Variants in TMEM132D observed in about 807,000 individuals in gnomAD.
TMEM132D encodes the protein mature OL transmembrane protein.
TMEM132D carries 21 observed loss-of-function variants against 62.3 expected under a neutral mutation model. The observed-to-expected ratio is 0.34, with a 90% CI of 0.24 to 0.49. The LOEUF is 0.49. Ranked by LOEUF, TMEM132D falls within the 20% of genes least tolerant of loss-of-function variation. The pLI, the probability that TMEM132D is intolerant of heterozygous loss-of-function variation, is 0.99. For synonymous variants in TMEM132D, 621 were observed against 575.6 expected (o/e 1.08, Z -1.13); for missense variants, 1,346 against 1,402.8 (o/e 0.96, Z 0.65).
chr12:129,572,433 T>TTCTA (rs1440373986), intron 2 of TMEM132D, among the ~76,000 whole-genome samples: 1 of 151,174 alleles, frequency 6.6e-6, no homozygotes, highest in African/African-American at 2.4e-5. Context: ...GAGGGTCTGT[T>TTCTA]TCTTTCTTTC....
chr12:129,478,979 T>C (rs1219199828), intron 3 of TMEM132D, among the ~76,000 whole-genome samples: 1 of 152,260 alleles, frequency 6.6e-6, no homozygotes, highest in East Asian at 1.9e-4. Context: ...GGACTACTGC[T>C]GGAGCAGAAT....
At chr12:129,190,509 A>G (rs1404671505) in intron 5 of TMEM132D, among the ~76,000 whole-genome samples, 1 of 10,408 alleles carries the variant, frequency 9.6e-5, no homozygotes, top group African/African-American at 3.3e-4. Flanking sequence ...GAGGGGTCTC[A>G]GGCCTGCAGA....
Position 129,293,287 on chromosome 12 carries a change from C to A in TMEM132D, c.1299+44347G>T, listed in dbSNP as rs940741188. 3.3e-5 allele frequency among the ~76,000 whole-genome samples: 5 copies of A among 152,076 alleles called. No individual in the cohort carries two copies. In the East Asian group the frequency reaches 9.7e-4, roughly 29 times the overall value. On this transcript the variant is annotated intron_variant, in intron 4 of 8. Coordinates refer to ENST00000422113, the MANE Select transcript of TMEM132D (RefSeq NM_133448.3). ...TCCTGATGGCTTGGGAGCAGCAGAG[C>A]CAATGCATTAAAGCCAGACGGACAC...
chr12:129,409,689 T>C (rs1871906567), intron 3 of TMEM132D, among the ~76,000 whole-genome samples: 1 of 152,180 alleles, frequency 6.6e-6, no homozygotes, highest in African/African-American at 2.4e-5. Context: ...GCATATAGAG[T>C]GTGAAAACAA....
intron 1 of TMEM132D, among the ~76,000 whole-genome samples, chr12:129,884,398 C>G (rs916285556): frequency 1.3e-5 from 2 of 152,140 alleles, no homozygotes; most frequent in African/African-American, 4.8e-5. Flanking sequence ...AAACAATTCT[C>G]AAAACTGAAT....
At chr12:129,672,986 G>T (rs1309200168) in intron 2 of TMEM132D, among the ~76,000 whole-genome samples, 2 of 152,174 alleles carry the variant, frequency 1.3e-5, no homozygotes, top group African/African-American at 2.4e-5. Context: ...GACCTCAGGT[G>T]ATCTGCCCGC....
At chr12:129,392,599 G>A (rs1022469548) in intron 3 of TMEM132D, among the ~76,000 whole-genome samples, 3 of 152,318 alleles carry the variant, frequency 2.0e-5, no homozygotes, top group East Asian at 1.9e-4. Flanking sequence ...CCGGGCCAGT[G>A]GCGGCTGTGT....
chr12:129,662,137 T>A (rs1313310459), intron 2 of TMEM132D, among the ~76,000 whole-genome samples: 1 of 152,144 alleles, frequency 6.6e-6, no homozygotes, highest in Non-Finnish European at 1.5e-5. Context: ...AAAGCAAGTG[T>A]GAGCTTTCTT....
chr12:129,096,246 A>G (rs1486484333), intron 5 of TMEM132D, among the ~76,000 whole-genome samples: 1 of 152,164 alleles, frequency 6.6e-6, no homozygotes, highest in African/African-American at 2.4e-5. Flanking sequence ...TGGATCTGGG[A>G]TTGGAATCCA....
intron 2 of TMEM132D, among the ~76,000 whole-genome samples, chr12:129,613,794 C>A (rs2137153580): frequency 6.6e-6 from 1 of 151,500 alleles, no homozygotes; most frequent in South Asian, 2.4e-4. Context: ...TCTCCAGAAC[C>A]CAGAGGACTG....
chr12:129,430,032 A>G (rs886177280), intron 3 of TMEM132D, among the ~76,000 whole-genome samples: 16 of 152,076 alleles, frequency 1.1e-4, no homozygotes, highest in African/African-American at 3.9e-4. Flanking sequence ...GAATAGTGCC[A>G]CTATAAACAT....
At chr12:129,555,551 A>G (rs1332434226) in intron 2 of TMEM132D, among the ~76,000 whole-genome samples, 2 of 152,250 alleles carry the variant, frequency 1.3e-5, no homozygotes, top group Non-Finnish European at 2.9e-5. Flanking sequence ...CATCAGAAGA[A>G]GAAAAATGTT....
chr12:129,630,876 G>C (rs2137166890), intron 2 of TMEM132D, among the ~76,000 whole-genome samples: 1 of 151,964 alleles, frequency 6.6e-6, no homozygotes, highest in South Asian at 2.1e-4. Flanking sequence ...CCTCAAGCAG[G>C]CCCCAGTGTC....
chr12:129,191,884 T>A (rs931379567), intron 5 of TMEM132D, among the ~76,000 whole-genome samples: 2 of 152,200 alleles, frequency 1.3e-5, no homozygotes, highest in Non-Finnish European at 2.9e-5. Context: ...CTCTGATCAG[T>A]GGCTTGCATG....
At chr12:129,555,813 C>G (rs1398858296) in intron 2 of TMEM132D, among the ~76,000 whole-genome samples, 3 of 152,180 alleles carry the variant, frequency 2.0e-5, no homozygotes, top group Non-Finnish European at 2.9e-5. Flanking sequence ...TTTGCCACTA[C>G]TTTTCTTGGA....
Position 129,893,954 on chromosome 12 carries a change from C to T in TMEM132D, c.79+9307G>A, listed in dbSNP as rs533748127. 6.6e-5 allele frequency among the ~76,000 whole-genome samples: 10 copies of T among 152,270 alleles called. No homozygotes were observed. The East Asian group carries it at 7.8e-4, about 12-fold the overall frequency. On this transcript the variant is annotated intron_variant, in intron 1 of 8. Coordinates refer to ENST00000422113, the MANE Select transcript of TMEM132D (RefSeq NM_133448.3). ...TTTTCACGCCCTACAGAGCTTATCC[C>T]GAGGCTTGTCCACAGAAATGGGAAA...
At chr12:129,473,463 GAGACTAC>G (rs1321212589) in intron 3 of TMEM132D, among the ~76,000 whole-genome samples, 1 of 149,762 alleles carries the variant, frequency 6.7e-6, no homozygotes, top group Admixed American at 6.8e-5. Context: ...CTGAATAGCT[GAGACTAC>G]AGGCACTCAC....
chr12:129,843,751 A>T (rs1408827409), intron 1 of TMEM132D, among the ~76,000 whole-genome samples: 2 of 152,146 alleles, frequency 1.3e-5, no homozygotes, highest in African/African-American at 4.8e-5. Flanking sequence ...ATATTGAAAG[A>T]CACTTTCACT....
chr12:129,483,783 G>A (rs1448339632), intron 3 of TMEM132D, among the ~76,000 whole-genome samples: 4 of 152,210 alleles, frequency 2.6e-5, no homozygotes, highest in Non-Finnish European at 5.9e-5. Context: ...TTTCATGGCT[G>A]CGTGAGAGCA....
Sources: gnomAD v4.1 joint callset for allele counts (sites outside exome capture counted in the v4.1 genomes callset) on GRCh38, gnomAD v4.1.1 for gene constraint, MANE v1.5 for transcripts, NCBI Gene and HGNC (gene_info 2026-07-23, HGNC 2026-07-21) for gene names.